ECT2L: variants seen among roughly 807,000 people sequenced by gnomAD.
ECT2L encodes epithelial cell transforming 2 like.
Under a neutral mutation model 122.8 loss-of-function variants are expected in ECT2L, and 126 were observed. The observed-to-expected ratio is 1.03, with a 90% CI of 0.89 to 1.19. The LOEUF (loss-of-function observed/expected upper bound fraction) is 1.19, where lower values mean the gene tolerates loss of function less well. Ranked by LOEUF, ECT2L falls within the 50% of genes most tolerant of loss-of-function variation. The pLI, the probability that ECT2L is intolerant of heterozygous loss-of-function variation, is 0.00. For missense variants in ECT2L, 1,012 were observed against 1,064.1 expected (o/e 0.95, Z 0.68); for synonymous variants, 385 against 381.8 (o/e 1.01, Z -0.10).
At chr6:138,862,532 CAACATGAG>C in intron 10 of ECT2L, 87 bp from the exon 11 acceptor site, 1 of 1,241,456 alleles carries the variant, frequency 8.1e-7, no homozygotes, top group Admixed American at 1.7e-5. Flanking sequence ...GATTAGATTT[CAACATGAG>C]ATTTGGAGGG....
At chr6:138,818,817 C>A (rs1221739189) in intron 4 of ECT2L, among the ~76,000 whole-genome samples, 1 of 151,954 alleles carries the variant, frequency 6.6e-6, no homozygotes, top group African/African-American at 2.4e-5. Flanking sequence ...GGCCAGGGTG[C>A]TCAGACAACA....
intron 4 of ECT2L, among the ~76,000 whole-genome samples, chr6:138,821,220 A>G (rs547172230): frequency 1.3e-5 from 2 of 152,288 alleles, no homozygotes; most frequent in South Asian, 4.2e-4. Flanking sequence ...GATGCTACCT[A>G]CTGGCTTTAG....
chr6:138,843,364 G>A (rs1777111349), intron 6 of ECT2L, 133 bp downstream of exon 6: 2 of 919,982 alleles, frequency 2.2e-6, no homozygotes, highest in South Asian at 5.4e-5. Flanking sequence ...TTTTCCAGAT[G>A]AGCTTTTTTC....
chr6:138,865,156 G>C lies in ECT2L; in HGVS notation c.1452G>C (p.Lys484Asn). 5 of 1,612,094 alleles carry C rather than the reference G, an allele frequency of 3.1e-6. No individual in the cohort carries two copies. The highest frequency in any genetic ancestry group is 4.2e-6 in the Non-Finnish European group (5 of 1,178,664). ...QLYPFFKELQ[K>N]SISGRMIGQF... ...ATCCTTTCTTCAAGGAACTGCAGAA[G>C]AGCATCAGTGGCAGGATGATAGGTA... The change falls in exon 12 of 22, where the codon AAG becomes AAC. Residue 484 changes from lysine to asparagine, a missense_variant. Physicochemically the swap from Lys to Asn is moderately conservative, Grantham distance 94. Transcript: ENST00000541398.
chr6:138,855,356 A>G (rs1441976312), intron 10 of ECT2L, among the ~76,000 whole-genome samples: 2 of 152,042 alleles, frequency 1.3e-5, no homozygotes, highest in Non-Finnish European at 2.9e-5. Context: ...AAAAATAGAA[A>G]AAAATAGCTG....
chr6:138,839,041 A>G (rs910277301), intron 5 of ECT2L, among the ~76,000 whole-genome samples: 3 of 152,122 alleles, frequency 2.0e-5, no homozygotes, highest in South Asian at 2.1e-4. Context: ...CGGCCTCCCA[A>G]AGTGCTGGGA....
rs768130093 is a variant in ECT2L at position 138,876,541 on chromosome 6, G to T, written c.1648G>T (p.Glu550Ter). Residue 550 changes from glutamate (E) to a stop codon, truncating the protein, a stop_gained, in exon 14 of 22, where the codon GAA becomes TAA. Coordinates refer to ENST00000541398, the MANE Select transcript of ECT2L (RefSeq NM_001077706.3). LOFTEE classifies it high-confidence loss of function. ...GCTCAGCAAAAATGATTTAAATTTTGAAGCACTGATTAATCTGGTAAGCTA... is the reference window on the plus strand; with the variant it reads ...GCTCAGCAAAAATGATTTAAATTTTTAAGCACTGATTAATCTGGTAAGCTA... ...SRLSKNDLNFEALINLERILQ... is the reference protein window; with the variant it reads ...SRLSKNDLNF 3 of 1,610,808 alleles carry T rather than the reference G, an allele frequency of 1.9e-6. No homozygotes were observed.
At chr6:138,873,880 G>GTGTGTT (rs1778344956) in intron 13 of ECT2L, among the ~76,000 whole-genome samples, 1 of 113,704 alleles carries the variant, frequency 8.8e-6, no homozygotes, top group Non-Finnish European at 1.9e-5. Flanking sequence ...GACTGTGTGT[G>GTGTGTT]TGTGTGTGTG....
intron 10 of ECT2L, among the ~76,000 whole-genome samples, chr6:138,854,981 T>C (rs117148893): frequency 1.3e-5 from 2 of 152,170 alleles, no homozygotes; most frequent in African/African-American, 4.8e-5. Flanking sequence ...ACTGTTTTTT[T>C]TTGTTGTTGT....
intron 5 of ECT2L, among the ~76,000 whole-genome samples, chr6:138,841,038 T>G (rs1261754511): frequency 2.0e-5 from 3 of 152,224 alleles, no homozygotes; most frequent in Admixed American, 1.3e-4. Flanking sequence ...GATTCTAATC[T>G]GATCTTAAAC....
chr6:138,856,283 C>T (rs995013327), intron 10 of ECT2L, among the ~76,000 whole-genome samples: 1 of 150,342 alleles, frequency 6.7e-6, no homozygotes, highest in East Asian at 2.0e-4. Flanking sequence ...GGCGTGATCT[C>T]GGCTCACTGC....
At chr6:138,894,696 C>A (rs997230246) in intron 20 of ECT2L, among the ~76,000 whole-genome samples, 1 of 152,164 alleles carries the variant, frequency 6.6e-6, no homozygotes, top group Non-Finnish European at 1.5e-5. Flanking sequence ...TATGGTCAAT[C>A]AATAGCTTGT....
Position 138,865,286 on chromosome 6 carries a change from C to T in ECT2L, c.1474+108C>T, listed in dbSNP as rs116747288. ...CAAGTAAAATTTTACTCTTGAACAT[C>T]TCCAGTAAAATTTTATCTCCTAGGT... On this transcript the variant is annotated intron_variant, in intron 12 of 21. Coordinates refer to ENST00000541398, the MANE Select transcript of ECT2L (RefSeq NM_001077706.3). The T allele has an allele frequency of 2.4e-4, 263 of 1,110,096 alleles. 1 individual carries two copies. The African/African-American group carries it at 3.6e-3, about 15-fold the overall frequency. 68.8% of individuals were successfully genotyped at this position (1,110,096 alleles called of 1,614,324 possible). A position where few individuals can be genotyped will look rare whatever the true frequency, so the allele number is the denominator to read the frequency against.
At position 138,853,258 on chromosome 6, in the gene ECT2L, G is replaced by A. The variant is rs897409000; in HGVS notation, c.1070-768G>A. On this transcript the variant is annotated intron_variant, in intron 9 of 21. Coordinates refer to ENST00000541398, the MANE Select transcript of ECT2L (RefSeq NM_001077706.3). Reference sequence around the variant, plus strand: ...TGGGATTACAGGCGTGAGCCACCGCGCCTGGCCCTTATTTTGTTTTTCTTA... The same window carrying A: ...TGGGATTACAGGCGTGAGCCACCGCACCTGGCCCTTATTTTGTTTTTCTTA... Among the ~76,000 whole-genome samples, 8 of 152,090 alleles carry A rather than the reference G, an allele frequency of 5.3e-5. 1 individual carries two copies. The highest frequency in any genetic ancestry group is 3.3e-4 in the Admixed American group (5 of 15,266).
intron 10 of ECT2L, among the ~76,000 whole-genome samples, chr6:138,855,529 A>G (rs768948278): frequency 5.3e-5 from 8 of 152,196 alleles, no homozygotes; most frequent in Non-Finnish European, 7.3e-5. Flanking sequence ...GAAAATATGC[A>G]TAGAAAAATC....
intron 4 of ECT2L, among the ~76,000 whole-genome samples, chr6:138,826,055 G>A (rs113418547): frequency 0.011 from 1,733 of 152,212 alleles, 30 homozygotes; most frequent in African/African-American, 0.034. Context: ...AGCTATCCCC[G>A]TCTTGATCGC....
chr6:138,797,050 T>C (rs1442927158), intron 1 of ECT2L, among the ~76,000 whole-genome samples: 1 of 152,236 alleles, frequency 6.6e-6, no homozygotes, highest in Non-Finnish European at 1.5e-5. Context: ...ACATCCACCA[T>C]TTGAAAATAC....
At position 138,854,332 on chromosome 6, in the gene ECT2L, T is replaced by G. The variant is rs1208953274; in HGVS notation, c.1198+178T>G. ...AGAAAGTAGCAGTGAGGGATAGTGA[T>G]GAAAGTAACCTGTCTCTACAGAAAT... On this transcript the variant is annotated intron_variant, in intron 10 of 21. Transcript: ENST00000541398. 3.3e-5 allele frequency among the ~76,000 whole-genome samples: 5 copies of G among 152,188 alleles called. No individual in the cohort carries two copies. The East Asian group carries it at 9.6e-4, about 29-fold the overall frequency.
At chr6:138,890,477 TTTG>T (rs1483236363) in intron 20 of ECT2L, among the ~76,000 whole-genome samples, 1 of 145,782 alleles carries the variant, frequency 6.9e-6, no homozygotes, top group Non-Finnish European at 1.5e-5. Context: ...TCATGACATT[TTTG>T]TTTTCTTTGA....
Sources: allele counts gnomAD v4.1 joint callset (sites outside exome capture counted in the v4.1 genomes callset), GRCh38; gene constraint gnomAD v4.1.1; transcripts MANE v1.5; gene names NCBI Gene and HGNC (gene_info 2026-07-23, HGNC 2026-07-21).